The following RPL27 variants were observed in gnomAD, a reference collection of about 807,000 sequenced individuals.
RPL27 encodes ribosomal protein L27.
For synonymous variants in RPL27, 77 were observed against 61.0 expected (o/e 1.26, Z -1.22); for missense variants, 131 against 174.3 (o/e 0.75, Z 1.40).
chr17:43,002,540 C>G, intron 3 of RPL27, 133 bp from the exon 4 acceptor site: 1 of 646,900 alleles, frequency 1.5e-6, no homozygotes. Flanking sequence ...CAGATAATGT[C>G]ATCGGGACAT....
rs1304020778 is a variant in RPL27, at chr17:43,000,003, G to A, written c.152G>A (p.Arg51His). The A allele has an allele frequency of 6.2e-7, 1 of 1,612,250 alleles. No homozygotes were observed. Among genetic ancestry groups the A allele is most frequent in the East Asian group, 2.2e-5 (1 of 44,888 alleles). The change falls in exon 3 of 5, where the codon CGC (arginine) becomes CAC (histidine). Residue 51 changes from arginine (R) to histidine (H), a missense_variant. Transcript: ENST00000253788. ...ALVAGIDRYP[R>H]KVTAAMGKKK... ...GTGGCTGGAATTGACCGCTACCCCC[G>A]CAAAGTGACAGCTGCCATGGGCAAG...
intron 3 of RPL27, among the ~76,000 whole-genome samples, chr17:43,001,181 T>C (rs1350457777): frequency 1.3e-5 from 2 of 149,774 alleles, no homozygotes; most frequent in African/African-American, 4.9e-5. Flanking sequence ...GAGGTGGAGA[T>C]TGCAGGGAGC....
intron 2 of RPL27, chr17:42,999,395 AGAG>A (rs1413173841): frequency 6.5e-6 from 1 of 154,588 alleles, no homozygotes; most frequent in African/African-American, 2.4e-5. Context: ...ATCTGTAAGA[AGAG>A]GAGGAAATTG....
At position 43,000,110 on chromosome 17, in the gene RPL27, T is replaced by G; in HGVS notation, c.251+8T>G. ...TCACCTAATGCCCACAAGGTGAGCA[T>G]TTCAAGAACTAGAATTTAAATTTCT... On this transcript the variant is annotated splice_region_variant and intron_variant, in intron 3 of 4. Transcript: ENST00000253788. The G allele has an allele frequency of 6.2e-7, 1 of 1,602,910 alleles. No individual in the cohort carries two copies. The highest frequency in any genetic ancestry group is 8.5e-7 in the Non-Finnish European group (1 of 1,170,978).
At chr17:43,001,343 A>C (rs867781367) in intron 3 of RPL27, among the ~76,000 whole-genome samples, 1 of 151,928 alleles carries the variant, frequency 6.6e-6, no homozygotes, top group African/African-American at 2.4e-5. Context: ...GGGCAGAGAG[A>C]GGCCGGACAC....
chr17:43,002,752 C>A lies in RPL27; in HGVS notation c.331C>A (p.Arg111=). ...FRDPALKRKA[R]REAKVKFEER... ...AGATCCTGCTCTTAAACGCAAGGCC[C>A]GACGGGAGGCCAAGGTCAAGTTTGA... The change falls in exon 4 of 5, where the codon CGA becomes AGA. Residue 111 remains arginine (R), a synonymous_variant. Coordinates refer to ENST00000253788, the MANE Select transcript of RPL27 (RefSeq NM_000988.5). 1 of 1,613,428 alleles carries A rather than the reference C, an allele frequency of 6.2e-7. No homozygotes were observed. The highest frequency in any genetic ancestry group is 8.5e-7 in the Non-Finnish European group (1 of 1,179,558).
chr17:42,999,112 G>A, intron 2 of RPL27: 1 of 406,416 alleles, frequency 2.5e-6, no homozygotes, highest in Non-Finnish European at 4.5e-6. Context: ...TGCCTTTCAG[G>A]TATTGTCATG....
chr17:42,998,456 C>A lies in RPL27; in HGVS notation c.-18C>A, dbSNP rs578236915. The A allele has an allele frequency of 4.5e-3, 1,314 of 290,816 alleles. 21 individuals carry two copies. Among genetic ancestry groups the A allele is most frequent in the Non-Finnish European group, 4.6e-3 (705 of 151,626 alleles). 18.0% of individuals were successfully genotyped at this position (290,816 alleles called of 1,614,324 possible). ...CTTCTTTCCTTTTTGCTGGTAGGGC[C>A]GGGTGGTTGCTGCCGGTAAGTAGAA... is the stretch of plus-strand genomic sequence containing the variant. On this transcript the variant is annotated 5_prime_UTR_variant, in exon 1 of 5. Coordinates refer to ENST00000253788, the MANE Select transcript of RPL27 (RefSeq NM_000988.5).
Position 43,000,002 on chromosome 17 carries a change from C to A in RPL27, c.151C>A (p.Arg51Ser). The change falls in exon 3 of 5, where the codon CGC (arginine) becomes AGC (serine). Residue 51 changes from arginine (R) to serine (S), a missense_variant. Transcript: ENST00000253788. ...GGTGGCTGGAATTGACCGCTACCCCCGCAAAGTGACAGCTGCCATGGGCAA... is the reference window on the plus strand; with the variant it reads ...GGTGGCTGGAATTGACCGCTACCCCAGCAAAGTGACAGCTGCCATGGGCAA... ...ALVAGIDRYP[R>S]KVTAAMGKKK... The A allele has an allele frequency of 1.9e-6, 3 of 1,612,294 alleles. No homozygotes were observed. Among genetic ancestry groups the A allele is most frequent in the Non-Finnish European group, 2.5e-6 (3 of 1,179,808 alleles).
Position 43,002,583 on chromosome 17 carries a change from C to T in RPL27, c.252-90C>T, listed in dbSNP as rs8076790. 571,360 of 735,348 alleles carry T rather than the reference C, an allele frequency of 0.78. 222,960 individuals carry two copies. The highest frequency in any genetic ancestry group is 0.85 in the East Asian group (34,409 of 40,394). The allele number at this position is 735,348 out of a possible 1,614,324, so 45.6% of individuals were successfully genotyped here. A position where few individuals can be genotyped will look rare whatever the true frequency, so the allele number is the denominator to read the frequency against. The stretch of plus-strand genomic sequence containing the variant: ...GATGGTTGCTTCTAAGGAGTCAGAC[C>T]CTGATTCCCTAGTGTCCCACAAGGA... On this transcript the variant is annotated intron_variant, in intron 3 of 4. Transcript: ENST00000253788.
intron 2 of RPL27, chr17:42,999,640 G>T (rs2050338193): frequency 3.2e-6 from 1 of 312,722 alleles, no homozygotes; most frequent in Admixed American, 4.6e-5. Flanking sequence ...CAAGTGAATA[G>T]ATACCAAGTC....
At chr17:43,002,439 G>A (rs567242851) in intron 3 of RPL27, among the ~76,000 whole-genome samples, 14 of 152,182 alleles carry the variant, frequency 9.2e-5, no homozygotes, top group Admixed American at 5.9e-4. Flanking sequence ...CCCGGGAGGC[G>A]GAACTTGCAA....
In RPL27 at chr17:42,999,958, G is replaced by A. The variant is rs776186138; in HGVS notation, c.107G>A (p.Arg36His). Residue 36 changes from arginine (R) to histidine (H), a missense_variant, in exon 3 of 5, where the codon CGC (arginine) becomes CAC (histidine). Physicochemically the swap from Arg to His is conservative, Grantham distance 29. Transcript: ENST00000253788. ...AACATTGATGATGGCACCTCAGATCGCCCCTACAGCCATGCTCTGGTGGCT... is the reference window on the plus strand; with the variant it reads ...AACATTGATGATGGCACCTCAGATCACCCCTACAGCCATGCTCTGGTGGCT... ...VKNIDDGTSD[R>H]PYSHALVAGI... The A allele has an allele frequency of 3.1e-6, 5 of 1,611,786 alleles. No homozygotes were observed. The highest frequency in any genetic ancestry group is 1.1e-5 in the South Asian group (1 of 90,960).
At chr17:43,002,301 C>G (rs961000786) in intron 3 of RPL27, among the ~76,000 whole-genome samples, 4 of 151,622 alleles carry the variant, frequency 2.6e-5, no homozygotes, top group Non-Finnish European at 4.4e-5. Context: ...GTCAGGAGAT[C>G]AAGACCGTCC....
At position 42,998,421 on chromosome 17, in the gene RPL27, C is replaced by T. The variant is rs1000185672; in HGVS notation, c.-53C>T. 5.2e-5 allele frequency: 12 copies of T among 231,870 alleles called. No homozygotes were observed. The highest frequency in any genetic ancestry group is 2.8e-4 in the African/African-American group (11 of 39,138). 14.4% of individuals were successfully genotyped at this position (231,870 alleles called of 1,614,324 possible). On this transcript the variant is annotated 5_prime_UTR_variant, in exon 1 of 5. Coordinates refer to ENST00000253788, the MANE Select transcript of RPL27 (RefSeq NM_000988.5). ...ACTCCTCACCGGGGTGAAAGGTTAG[C>T]GGAAGTGTCCTTCTTTCCTTTTTGC... is the stretch of plus-strand genomic sequence containing the variant.
intron 2 of RPL27, chr17:42,999,675 C>T: frequency 2.3e-6 from 1 of 437,228 alleles, no homozygotes; most frequent in East Asian, 4.2e-5. Flanking sequence ...TGGCATATAG[C>T]AAGTACTTCT....
At chr17:43,002,525 AT>A in intron 3 of RPL27, 147 bp from the exon 4 acceptor site, 1 of 607,614 alleles carries the variant, frequency 1.6e-6, no homozygotes, top group Non-Finnish European at 3.0e-6. Flanking sequence ...AAAAGTGTGA[AT>A]TTTCAGATAA....
intron 3 of RPL27, among the ~76,000 whole-genome samples, chr17:43,002,031 T>A (rs1011306517): frequency 6.7e-6 from 1 of 148,604 alleles, no homozygotes; most frequent in African/African-American, 2.5e-5. Context: ...GAGGCGGAGG[T>A]TGCAGTGAGC....
intron 2 of RPL27, chr17:42,999,121 T>G (rs1272720113): frequency 2.6e-6 from 1 of 377,984 alleles, no homozygotes; most frequent in African/African-American, 2.1e-5. Flanking sequence ...GGTATTGTCA[T>G]GTGCAGTCCT....
Sources: gnomAD v4.1 joint callset for allele counts (sites outside exome capture counted in the v4.1 genomes callset) on GRCh38, gnomAD v4.1.1 for gene constraint, MANE v1.5 for transcripts, NCBI Gene and HGNC (gene_info 2026-07-23, HGNC 2026-07-21) for gene names.